The following ZNF521 variants were observed in gnomAD, a reference collection of about 807,000 sequenced individuals.
ZNF521 encodes the protein LYST-interacting protein 3.
A neutral mutation model predicts 105.5 loss-of-function variants in ZNF521; 14 were observed. The observed-to-expected ratio is 0.13, with a 90% CI of 0.09 to 0.21. ZNF521 has a LOEUF of 0.21. Ranked by LOEUF, ZNF521 falls within the 10% of genes least tolerant of loss-of-function variation. The probability of loss-of-function intolerance (pLI) is 1.00; values close to 1 mark genes in which losing one functional copy is unlikely to be tolerated. For synonymous variants in ZNF521, 635 were observed against 606.0 expected, an observed-to-expected ratio of 1.05 and a Z score of -0.70; for missense variants, 1,233 against 1,629.7, an observed-to-expected ratio of 0.76 and a Z score of 4.19.
chr18:25,326,383 G>C (rs1913222900), intron 2 of ZNF521, among the ~76,000 whole-genome samples: 2 of 152,156 alleles, frequency 1.3e-5, no homozygotes, highest in South Asian at 4.1e-4. Flanking sequence ...GAAAAACTAA[G>C]AGATCATGTG....
chr18:25,248,289 TACA>T (rs937421994), intron 3 of ZNF521, among the ~76,000 whole-genome samples: 1 of 152,142 alleles, frequency 6.6e-6, no homozygotes, highest in Non-Finnish European at 1.5e-5. Context: ...GAATCTGAAA[TACA>T]ACGTTATACA....
At chr18:25,173,199 A>G (rs1192581685) in intron 5 of ZNF521, among the ~76,000 whole-genome samples, 1 of 152,158 alleles carries the variant, frequency 6.6e-6, no homozygotes, top group East Asian at 1.9e-4. Flanking sequence ...GATTTCTTCC[A>G]GGCCCAGGGC....
Position 25,169,597 on chromosome 18 carries a change from C to T in ZNF521, c.3658+25563G>A, listed in dbSNP as rs550962921. Among the ~76,000 whole-genome samples, 15 of 152,140 alleles carry T rather than the reference C, an allele frequency of 9.9e-5. No homozygotes were observed. The South Asian group carries it at 2.3e-3, about 23-fold the overall frequency. ...ATACCATCCCTTTACTTTATAAATACGAAAAACCAGAGGTCAAATGACACA... is the reference window on the plus strand; with the variant it reads ...ATACCATCCCTTTACTTTATAAATATGAAAAACCAGAGGTCAAATGACACA... On this transcript the variant is annotated intron_variant, in intron 5 of 7. Transcript: ENST00000361524.
chr18:25,114,608 T>A (rs754626539), intron 5 of ZNF521, among the ~76,000 whole-genome samples: 8 of 152,148 alleles, frequency 5.3e-5, no homozygotes, highest in Non-Finnish European at 1.2e-4. Flanking sequence ...CTCTCTGCAC[T>A]CCACGAAATA....
intron 5 of ZNF521, among the ~76,000 whole-genome samples, chr18:25,093,398 G>C (rs147543242): frequency 2.6e-5 from 4 of 152,132 alleles, no homozygotes; most frequent in African/African-American, 9.7e-5. Context: ...TAGGTCTAGG[G>C]AATGAAAGAC....
chr18:25,203,578 T>C (rs975994833), intron 4 of ZNF521, among the ~76,000 whole-genome samples: 9 of 152,036 alleles, frequency 5.9e-5, no homozygotes, highest in Non-Finnish European at 1.0e-4. Flanking sequence ...GACCATGCCA[T>C]TGCACTCCAG....
intron 7 of ZNF521, among the ~76,000 whole-genome samples, chr18:25,070,296 T>G (rs879450955): frequency 2.6e-5 from 4 of 152,214 alleles, no homozygotes; most frequent in Admixed American, 2.6e-4. Context: ...AGGACATTTT[T>G]GTTGTTGTTC....
At chr18:25,242,160 A>C (rs1907381748) in intron 3 of ZNF521, among the ~76,000 whole-genome samples, 1 of 152,190 alleles carries the variant, frequency 6.6e-6, no homozygotes, top group Non-Finnish European at 1.5e-5. Context: ...CTATTATTCA[A>C]GGAGCAATTT....
intron 3 of ZNF521, among the ~76,000 whole-genome samples, chr18:25,267,337 G>C (rs1719682373): frequency 6.6e-6 from 1 of 152,210 alleles, no homozygotes; most frequent in African/African-American, 2.4e-5. Context: ...GGAAGGGTCA[G>C]CTGTGGATGC....
intron 5 of ZNF521, among the ~76,000 whole-genome samples, chr18:25,149,057 A>C (rs1458066855): frequency 3.3e-5 from 5 of 152,184 alleles, no homozygotes; most frequent in African/African-American, 1.2e-4. Context: ...CCACATCCCT[A>C]AAACTATTGA....
chr18:25,099,223 C>T (rs186326947), intron 5 of ZNF521, among the ~76,000 whole-genome samples: 1 of 152,232 alleles, frequency 6.6e-6, no homozygotes, highest in East Asian at 1.9e-4. Context: ...TTAGCAAACC[C>T]TATATTTAAT....
At chr18:25,275,765 G>A (rs918577160) in intron 3 of ZNF521, among the ~76,000 whole-genome samples, 1 of 152,188 alleles carries the variant, frequency 6.6e-6, no homozygotes, top group East Asian at 1.9e-4. Flanking sequence ...GACTGACCAG[G>A]ATTGCCTACG....
chr18:25,126,678 T>G (rs182597755), intron 5 of ZNF521, among the ~76,000 whole-genome samples: 4 of 152,242 alleles, frequency 2.6e-5, no homozygotes, highest in Admixed American at 2.0e-4. Flanking sequence ...TTTTATACTT[T>G]AAAATTTCCT....
At chr18:25,254,181 G>A (rs1908312998) in intron 3 of ZNF521, among the ~76,000 whole-genome samples, 1 of 151,948 alleles carries the variant, frequency 6.6e-6, no homozygotes, top group Non-Finnish European at 1.5e-5. Context: ...TGGATACTGG[G>A]GAATAATTGT....
intron 2 of ZNF521, among the ~76,000 whole-genome samples, chr18:25,349,800 G>T (rs1415503053): frequency 6.7e-6 from 1 of 150,130 alleles, no homozygotes; most frequent in Non-Finnish European, 1.5e-5. Flanking sequence ...CCGGGCGGGC[G>T]CACCAGCCGC....
At chr18:25,127,303 G>A (rs116783444) in intron 5 of ZNF521, among the ~76,000 whole-genome samples, 191 of 152,010 alleles carry the variant, frequency 1.3e-3, no homozygotes, top group African/African-American at 4.3e-3. Context: ...GATACAGAGT[G>A]GGATAAAGAG....
intron 5 of ZNF521, among the ~76,000 whole-genome samples, chr18:25,100,036 T>C (rs1485674205): frequency 6.6e-6 from 1 of 152,044 alleles, no homozygotes; most frequent in East Asian, 1.9e-4. Context: ...CATGTTTTCC[T>C]GTTGCTGTGC....
At chr18:25,245,178 T>C (rs1433633159) in intron 3 of ZNF521, among the ~76,000 whole-genome samples, 1 of 152,252 alleles carries the variant, frequency 6.6e-6, no homozygotes, top group Non-Finnish European at 1.5e-5. Flanking sequence ...ATCCCATTAA[T>C]TTTGTTGTGA....
At chr18:25,219,979 T>TC (rs1905598700) in intron 4 of ZNF521, among the ~76,000 whole-genome samples, 1 of 152,010 alleles carries the variant, frequency 6.6e-6, no homozygotes, top group African/African-American at 2.4e-5. Flanking sequence ...CTCCCAAAGG[T>TC]CCCCTCCTGT....
Sources: allele counts gnomAD v4.1 joint callset (sites outside exome capture counted in the v4.1 genomes callset), GRCh38; gene constraint gnomAD v4.1.1; transcripts MANE v1.5; gene names NCBI Gene and HGNC (gene_info 2026-07-23, HGNC 2026-07-21).